RBM47: variants seen among roughly 807,000 people sequenced by gnomAD.
RBM47 encodes the protein RNA-binding protein 47.
RBM47 carries 21 observed loss-of-function variants against 47.1 expected under a neutral mutation model. The ratio of observed to expected loss-of-function variants is 0.45; its 90% confidence interval spans 0.32 to 0.64. The LOEUF is 0.64. RBM47 is among the 30% of genes least tolerant of loss of function. The pLI, the probability that RBM47 is intolerant of heterozygous loss-of-function variation, is 0.05. For synonymous variants in RBM47, 375 were observed against 361.7 expected (o/e 1.04, Z -0.42); for missense variants, 708 against 870.9 (o/e 0.81, Z 2.35).
intron 1 of RBM47, among the ~76,000 whole-genome samples, chr4:40,588,982 T>A (rs1733859386): frequency 6.8e-6 from 1 of 147,498 alleles, no homozygotes; most frequent in African/African-American, 2.5e-5. Context: ...GAATAATAGC[T>A]AAAGCGTTTC....
intron 2 of RBM47, among the ~76,000 whole-genome samples, chr4:40,470,812 G>A (rs1718743319): frequency 6.6e-6 from 1 of 152,080 alleles, no homozygotes; most frequent in Non-Finnish European, 1.5e-5. Flanking sequence ...GCGTGATCTT[G>A]AATCGCTGCA....
At chr4:40,511,295 T>C (rs963692167) in intron 2 of RBM47, among the ~76,000 whole-genome samples, 1 of 152,234 alleles carries the variant, frequency 6.6e-6, no homozygotes, top group African/African-American at 2.4e-5. Context: ...CATTATGGCA[T>C]GTTGTGAAAT....
intron 4 of RBM47, among the ~76,000 whole-genome samples, chr4:40,437,112 A>ATATATATATATAT (rs1712675605): frequency 1.4e-5 from 1 of 71,616 alleles, no homozygotes; most frequent in African/African-American, 9.2e-5. Flanking sequence ...TATATATATA[A>ATATATATATATAT]AATACATATA....
chr4:40,585,988 C>A (rs933308899), intron 1 of RBM47, among the ~76,000 whole-genome samples: 2 of 152,234 alleles, frequency 1.3e-5, no homozygotes, highest in African/African-American at 4.8e-5. Flanking sequence ...ACACCAAGCT[C>A]CTTCTCTATA....
At position 40,605,350 on chromosome 4, in the gene RBM47, A is replaced by G. The variant is rs546771683; in HGVS notation, c.-240+24046T>C. The stretch of plus-strand genomic sequence containing the variant: ...CGCCACATGGCTCTTACAAAAGTGC[A>G]TGAGCCAGCTCTGGGGCTGGAGCAC... On this transcript the variant is annotated intron_variant, in intron 1 of 6. Coordinates refer to ENST00000295971, the MANE Select transcript of RBM47 (RefSeq NM_001098634.2). 2.0e-5 allele frequency among the ~76,000 whole-genome samples: 3 copies of G among 152,254 alleles called. No homozygotes were observed. The South Asian group carries it at 6.2e-4, about 32-fold the overall frequency.
chr4:40,504,573 T>A (rs994008291), intron 2 of RBM47, among the ~76,000 whole-genome samples: 3 of 152,166 alleles, frequency 2.0e-5, no homozygotes, highest in African/African-American at 7.2e-5. Context: ...GATTACAGGC[T>A]TGGGTCACTG....
chr4:40,571,947 C>T (rs951497565), intron 1 of RBM47, among the ~76,000 whole-genome samples: 1 of 151,226 alleles, frequency 6.6e-6, no homozygotes, highest in Non-Finnish European at 1.5e-5. Flanking sequence ...TGCTTGAACT[C>T]GGGAGGCGGA....
intron 2 of RBM47, among the ~76,000 whole-genome samples, chr4:40,523,329 C>T (rs1274526121): frequency 6.6e-5 from 10 of 151,996 alleles, no homozygotes; most frequent in African/African-American, 2.4e-4. Flanking sequence ...AATCCCAGCC[C>T]TCCTGGCTTG....
At chr4:40,502,491 A>T (rs1383813765) in intron 2 of RBM47, among the ~76,000 whole-genome samples, 1 of 152,152 alleles carries the variant, frequency 6.6e-6, no homozygotes, top group Non-Finnish European at 1.5e-5. Flanking sequence ...AGAAGAGGTG[A>T]GGAAGAGAGG....
chr4:40,518,158 C>CTTTT (rs530465415), intron 2 of RBM47, among the ~76,000 whole-genome samples: 146 of 70,662 alleles, frequency 2.1e-3, no homozygotes, highest in Non-Finnish European at 3.0e-3. Flanking sequence ...CTTTTCTTTT[C>CTTTT]TTTTTTTTTT....
At chr4:40,581,450 A>AAATAAATAAAT (rs997711658) in intron 1 of RBM47, among the ~76,000 whole-genome samples, 8 of 149,046 alleles carry the variant, frequency 5.4e-5, no homozygotes, top group African/African-American at 1.8e-4. Flanking sequence ...ATAAATAAAT[A>AAATAAATAAAT]AATAAATAAA....
At chr4:40,481,261 A>G (rs1720338805) in intron 2 of RBM47, among the ~76,000 whole-genome samples, 1 of 149,930 alleles carries the variant, frequency 6.7e-6, no homozygotes, top group African/African-American at 2.4e-5. Flanking sequence ...GACCTGGATC[A>G]TATGTTGTTT....
At chr4:40,437,719 C>T (rs1490068685) in intron 4 of RBM47, 52 bp downstream of exon 4, 12 of 1,506,190 alleles carry the variant, frequency 8.0e-6, no homozygotes, top group Non-Finnish European at 1.1e-5. Context: ...TGCCCCCTGC[C>T]TAGGAGGCAA....
intron 2 of RBM47, among the ~76,000 whole-genome samples, chr4:40,513,903 G>A (rs931839987): frequency 3.3e-5 from 5 of 151,916 alleles, no homozygotes; most frequent in Non-Finnish European, 7.4e-5. Context: ...ATTTTTGGTA[G>A]AGATGGGGTT....
chr4:40,445,199 G>T (rs950812077), intron 3 of RBM47, among the ~76,000 whole-genome samples: 2 of 150,530 alleles, frequency 1.3e-5, no homozygotes, highest in Non-Finnish European at 3.0e-5. Context: ...GCGTGAGCCC[G>T]AGAGTCGGAG....
rs1240985134 is a variant in RBM47, at chr4:40,425,001, A to G, written c.*903T>C. 2 of 152,028 alleles carry G rather than the reference A, an allele frequency of 1.3e-5. No individual in the cohort carries two copies. The highest frequency in any genetic ancestry group is 6.6e-5 in the Admixed American group (1 of 15,246). 9.4% of individuals were successfully genotyped at this position (152,028 alleles called of 1,614,324 possible). ...CAAACAAAAAAAAAAACAAAAAACA[A>G]CGAAACAACAAACCCCAACAAAAAC... On this transcript the variant is annotated 3_prime_UTR_variant, in exon 7 of 7. Coordinates refer to ENST00000295971, the MANE Select transcript of RBM47 (RefSeq NM_001098634.2).
At chr4:40,516,146 G>C (rs1162972672) in intron 2 of RBM47, among the ~76,000 whole-genome samples, 2 of 151,050 alleles carry the variant, frequency 1.3e-5, no homozygotes, top group Admixed American at 1.3e-4. Context: ...CGCCTCATCC[G>C]GGCCTCCCTT....
rs1357887873 is a variant in RBM47, at chr4:40,438,281, G to C, written c.613C>G (p.Arg205Gly). 4 of 1,603,984 alleles carry C rather than the reference G, an allele frequency of 2.5e-6. No individual in the cohort carries two copies. Among genetic ancestry groups the C allele is most frequent in the Non-Finnish European group, 3.4e-6 (4 of 1,179,866 alleles). The change falls in exon 4 of 7, where the codon CGC becomes GGC. Residue 205 changes from arginine to glycine, a missense_variant. Coordinates refer to ENST00000295971, the MANE Select transcript of RBM47 (RefSeq NM_001098634.2). Reference protein sequence around the residue: ...GFAFVEYESHRAAAMARRKLM... With the variant: ...GFAFVEYESHGAAAMARRKLM... The stretch of plus-strand genomic sequence containing the variant: ...TTGCGGCGAGCCATGGCAGCCGCGC[G>C]GTGGCTCTCGTACTCCACGAAGGCG...
intron 2 of RBM47, among the ~76,000 whole-genome samples, chr4:40,471,952 C>A (rs1302916678): frequency 1.3e-5 from 2 of 152,148 alleles, no homozygotes; most frequent in East Asian, 1.9e-4. Flanking sequence ...ATTCCTGCAG[C>A]CCCCTGTGAT....
Sources: gnomAD v4.1 joint callset for allele counts (sites outside exome capture counted in the v4.1 genomes callset) on GRCh38, gnomAD v4.1.1 for gene constraint, MANE v1.5 for transcripts, NCBI Gene and HGNC (gene_info 2026-07-23, HGNC 2026-07-21) for gene names.